EML1: variants seen among roughly 807,000 people sequenced by gnomAD.
The protein encoded by EML1 is echinoderm microtubule-associated protein-like 1.
EML1 carries 27 observed loss-of-function variants against 110.4 expected under a neutral mutation model. That is an observed-to-expected ratio of 0.24 (90% confidence interval 0.18 to 0.34). The LOEUF (loss-of-function observed/expected upper bound fraction) is 0.34, where lower values mean the gene tolerates loss of function less well. Among genes scored for constraint, EML1 ranks in the 10% least tolerant of loss-of-function variants. The probability of loss-of-function intolerance (pLI) is 1.00; values close to 1 mark genes in which losing one functional copy is unlikely to be tolerated. For synonymous variants in EML1, 344 were observed against 385.8 expected (o/e 0.89, Z 1.27); for missense variants, 741 against 1,030.9 (o/e 0.72, Z 3.85).
intron 3 of EML1, among the ~76,000 whole-genome samples, chr14:99,868,031 G>C (rs182434537): frequency 1.3e-5 from 2 of 152,090 alleles, no homozygotes; most frequent in African/African-American, 4.8e-5. Context: ...TCATGAAAAG[G>C]AGTTGAATTT....
chr14:99,771,209 A>G (rs975888731), upstream of EML1, among the ~76,000 whole-genome samples: 25 of 152,088 alleles, frequency 1.6e-4, no homozygotes, highest in African/African-American at 5.8e-4. Context: ...CTGAAAAAAG[A>G]CCCCATACCC....
At chr14:99,880,034 CAA>C (rs1883193415) in intron 4 of EML1, among the ~76,000 whole-genome samples, 1 of 152,052 alleles carries the variant, frequency 6.6e-6, no homozygotes, top group African/African-American at 2.4e-5. Flanking sequence ...AAGATATTTA[CAA>C]AGAGATTTTT....
At chr14:99,794,626 A>G (rs2057736307) in intron 1 of EML1, among the ~76,000 whole-genome samples, 1 of 152,184 alleles carries the variant, frequency 6.6e-6, no homozygotes, top group Non-Finnish European at 1.5e-5. Context: ...GAAATTTATC[A>G]TCTTGTTCAT....
intron 2 of EML1, among the ~76,000 whole-genome samples, chr14:99,854,040 TC>T (rs2058859207): frequency 6.6e-6 from 1 of 152,200 alleles, no homozygotes; most frequent in East Asian, 1.9e-4. Context: ...TAGGTCTCAC[TC>T]AGTATGTTGA....
intron 2 of EML1, among the ~76,000 whole-genome samples, chr14:99,861,407 C>A (rs1247401505): frequency 6.6e-6 from 1 of 152,200 alleles, no homozygotes; most frequent in Non-Finnish European, 1.5e-5. Flanking sequence ...TGGCATAATA[C>A]ACAGTTTTGT....
At chr14:99,880,740 C>G (rs540154838) in intron 4 of EML1, among the ~76,000 whole-genome samples, 2 of 152,272 alleles carry the variant, frequency 1.3e-5, no homozygotes, top group South Asian at 4.1e-4. Context: ...GGGTGTGTAT[C>G]CAGTTCTGCC....
intron 1 of EML1, among the ~76,000 whole-genome samples, chr14:99,783,080 T>C (rs559406347): frequency 2.6e-5 from 4 of 151,944 alleles, no homozygotes; most frequent in African/African-American, 9.6e-5. Context: ...GCCATGTTGG[T>C]GTGCTGCATT....
rs370659697 is a variant in EML1 at position 99,814,972 on chromosome 14, C to T, written c.67+21429C>T. On this transcript the variant is annotated intron_variant, in intron 1 of 21. Coordinates refer to ENST00000262233, the MANE Select transcript of EML1 (RefSeq NM_004434.3). ...GCTCAGAGAGGGAAATGGAATTACT[C>T]AGGGTCACACAGCTAGGGAGGGGCA... Among the ~76,000 whole-genome samples, 17 of 152,226 alleles carry T rather than the reference C, an allele frequency of 1.1e-4. 2 individuals are homozygous for T. Among genetic ancestry groups the T allele is most frequent in the African/African-American group, 4.1e-4 (17 of 41,544 alleles).
At position 99,851,008 on chromosome 14, in the gene EML1, G is replaced by A. The variant is rs770989241; in HGVS notation, c.223G>A (p.Val75Met). The A allele has an allele frequency of 1.8e-5, 29 of 1,613,818 alleles. No individual in the cohort carries two copies. The highest frequency in any genetic ancestry group is 1.2e-4 in the Admixed American group (7 of 59,996). ...RLNITEEQQA[V>M]LNRKGPTKAR... ...GAACATTACTGAGGAACAGCAGGCC[G>A]TGCTTAACAGGAAAGGACCTACCAA... Residue 75 changes from valine (V) to methionine (M), a missense_variant, in exon 2 of 22, where the codon GTG becomes ATG. Physicochemically the swap from Val to Met is conservative, Grantham distance 21 (BLOSUM62 1). Coordinates refer to ENST00000262233, the MANE Select transcript of EML1 (RefSeq NM_004434.3).
At chr14:99,816,479 C>G (rs1464273997) in intron 1 of EML1, among the ~76,000 whole-genome samples, 2 of 152,222 alleles carry the variant, frequency 1.3e-5, no homozygotes, top group African/African-American at 4.8e-5. Flanking sequence ...TGATTTGATT[C>G]CCACAACCAC....
intron 4 of EML1, chr14:99,885,938 G>A (rs1203036556): frequency 2.2e-6 from 1 of 454,192 alleles, no homozygotes; most frequent in Non-Finnish European, 4.4e-6. Flanking sequence ...GATCCAGCTG[G>A]CCTCAAAATC....
chr14:99,817,619 T>C (rs1468032561), intron 1 of EML1, among the ~76,000 whole-genome samples: 1 of 152,168 alleles, frequency 6.6e-6, no homozygotes, highest in Non-Finnish European at 1.5e-5. Context: ...TCTCAGGGAC[T>C]CAGGGGTCTG....
chr14:99,885,184 C>T (rs1289143323), intron 4 of EML1, among the ~76,000 whole-genome samples: 1 of 152,214 alleles, frequency 6.6e-6, no homozygotes, highest in African/African-American at 2.4e-5. Context: ...TGTATACGAT[C>T]AGGCATCACT....
chr14:99,757,407 G>A (rs537488434), intron 1 of EML1, among the ~76,000 whole-genome samples: 9 of 152,030 alleles, frequency 5.9e-5, no homozygotes, highest in African/African-American at 2.2e-4. Context: ...TGACAGCACA[G>A]GTTGTGTGGC....
intron 2 of EML1, among the ~76,000 whole-genome samples, chr14:99,857,623 T>C (rs2058926661): frequency 1.3e-5 from 2 of 152,198 alleles, no homozygotes; most frequent in African/African-American, 4.8e-5. Context: ...GTCTACATCA[T>C]GTCTCCATAG....
intron 17 of EML1, among the ~76,000 whole-genome samples, chr14:99,933,376 A>G (rs1049731814): frequency 6.6e-6 from 1 of 152,130 alleles, no homozygotes; most frequent in Non-Finnish European, 1.5e-5. Context: ...GGGTTTCACC[A>G]TGTTGGCCAG....
upstream of EML1, among the ~76,000 whole-genome samples, chr14:99,789,533 A>G (rs547379564): frequency 6.6e-6 from 1 of 152,218 alleles, no homozygotes; most frequent in Non-Finnish European, 1.5e-5. Flanking sequence ...AACCTTGCCA[A>G]TGATGACTCT....
Position 99,827,674 on chromosome 14 carries a change from C to A in EML1, c.68-23179C>A, listed in dbSNP as rs1223397037. On this transcript the variant is annotated intron_variant, in intron 1 of 21. Coordinates refer to ENST00000262233, the MANE Select transcript of EML1 (RefSeq NM_004434.3). The surrounding 1 kb of genome is among the most constrained non-coding windows in gnomAD (Gnocchi z 4.4). The stretch of plus-strand genomic sequence containing the variant: ...GACTTAGACACATAGAGGGGGCAAC[C>A]ACCTGAAAGGGAGAAGACGGCCAGC... Among the ~76,000 whole-genome samples the A allele has an allele frequency of 6.7e-6, 1 of 149,204 alleles. No individual in the cohort carries two copies. Among genetic ancestry groups the A allele is most frequent in the Admixed American group, 6.7e-5 (1 of 14,954 alleles).
At chr14:99,747,637 G>GGCT (rs1462155656) in intron 1 of EML1, among the ~76,000 whole-genome samples, 1 of 152,154 alleles carries the variant, frequency 6.6e-6, no homozygotes, top group East Asian at 1.9e-4. Flanking sequence ...ACCAGGGCTG[G>GGCT]GCTGCGCCTT....
Sources: allele counts gnomAD v4.1 joint callset (sites outside exome capture counted in the v4.1 genomes callset), GRCh38; gene constraint gnomAD v4.1.1; non-coding constraint Gnocchi (gnomAD v3.1); transcripts MANE v1.5; gene names NCBI Gene and HGNC (gene_info 2026-07-23, HGNC 2026-07-21).